The following KCNT2 variants were observed in gnomAD, a reference collection of about 807,000 sequenced individuals.
KCNT2 encodes potassium channel subfamily T member 2.
A neutral mutation model predicts 153.8 loss-of-function variants in KCNT2; 67 were observed. That is an observed-to-expected ratio of 0.44 (90% CI 0.36 to 0.53). The LOEUF (loss-of-function observed/expected upper bound fraction) is 0.53, where lower values mean the gene tolerates loss of function less well. KCNT2 is among the 20% of genes least tolerant of loss of function. The pLI, the probability that KCNT2 is intolerant of heterozygous loss-of-function variation, is 0.00. For missense variants in KCNT2, 975 were observed against 1,354.8 expected (o/e 0.72, Z 4.40); for synonymous variants, 500 against 458.8 (o/e 1.09, Z -1.15).
intron 12 of KCNT2, among the ~76,000 whole-genome samples, chr1:196,407,848 A>T (rs200725960): frequency 6.7e-6 from 1 of 148,824 alleles, no homozygotes; most frequent in Non-Finnish European, 1.5e-5. Context: ...AATAAAAACA[A>T]TTTTTTTTTT....
Position 196,479,207 on chromosome 1 carries a change from G to A in KCNT2, c.356C>T (p.Thr119Ile). ...VSVALISLFE[T>I]ILLGYLSYKG... ...ATAACTAAGATAACCAAGTAATATT[G>A]TTTCAAACAGACTTATCAATGCCAC... The change falls in exon 5 of 28, where the codon ACA (threonine) becomes ATA (isoleucine). Residue 119 changes from threonine (T) to isoleucine (I), a missense_variant. By Grantham distance (89) the Thr-to-Ile change is moderately conservative. This residue lies in a region of KCNT2 where 140 missense variants were observed against 216.0 expected (regional missense o/e 0.65). Coordinates refer to ENST00000294725, the MANE Select transcript of KCNT2 (RefSeq NM_198503.5). The A allele has an allele frequency of 6.4e-7, 1 of 1,574,076 alleles. No homozygotes were observed. The highest frequency in any genetic ancestry group is 8.7e-7 in the Non-Finnish European group (1 of 1,149,186).
At position 196,428,085 on chromosome 1, in the gene KCNT2, A is replaced by C; in HGVS notation, c.984+20T>G. 6.2e-7 allele frequency: 1 copy of C among 1,601,282 alleles called. No homozygotes were observed. Among genetic ancestry groups the C allele is most frequent in the Non-Finnish European group, 8.6e-7 (1 of 1,169,248 alleles). On this transcript the variant is annotated intron_variant, in intron 10 of 27. Transcript: ENST00000294725. ...TAGTAGGTATGATCCAGTATAGCAC[A>C]TAATATAAGCCAAATGTACCTGGAG...
At chr1:196,361,619 T>C (rs555924669) in intron 14 of KCNT2, among the ~76,000 whole-genome samples, 8 of 152,128 alleles carry the variant, frequency 5.3e-5, no homozygotes, top group South Asian at 2.1e-4. Context: ...CATGGACCCA[T>C]TGATAAAGGG....
chr1:196,330,837 C>T (rs1274390847), intron 18 of KCNT2, among the ~76,000 whole-genome samples: 5 of 151,908 alleles, frequency 3.3e-5, no homozygotes, highest in African/African-American at 4.8e-5. Flanking sequence ...AAATAATGCA[C>T]ATTTGACCCA....
chr1:196,311,888 T>G (rs545820225), intron 21 of KCNT2, among the ~76,000 whole-genome samples: 1 of 151,852 alleles, frequency 6.6e-6, no homozygotes, highest in South Asian at 2.1e-4. Context: ...CAATTTGACA[T>G]AGACTTTTTA....
chr1:196,405,451 A>G (rs1558250530), intron 12 of KCNT2, among the ~76,000 whole-genome samples: 1 of 151,498 alleles, frequency 6.6e-6, no homozygotes, highest in Non-Finnish European at 1.5e-5. Context: ...AACTTAATAA[A>G]CTGTACTATC....
Position 196,331,244 on chromosome 1 carries a change from G to A in KCNT2, c.2015C>T (p.Pro672Leu), listed in dbSNP as rs1664428250. The A allele has an allele frequency of 1.3e-6, 2 of 1,587,374 alleles. No homozygotes were observed. The highest frequency in any genetic ancestry group is 2.2e-5 in the South Asian group (2 of 90,374). ...ACTTCCTATATATGGAGAATAAGGT[G>A]GGTAACCTTTAGCATACCTGTAAAA... ...SSNLEYAKGY[P>L]PYSPYIGSSP... Residue 672 changes from proline to leucine, a missense_variant, in exon 18 of 28, where the codon CCA becomes CTA. Coordinates refer to ENST00000294725, the MANE Select transcript of KCNT2 (RefSeq NM_198503.5).
chr1:196,422,867 T>C (rs1338019305), intron 12 of KCNT2, among the ~76,000 whole-genome samples, 183 bp downstream of exon 12: 2 of 151,992 alleles, frequency 1.3e-5, no homozygotes, highest in African/African-American at 2.4e-5. Flanking sequence ...AAAAACACTT[T>C]TGTTAATACA....
At chr1:196,292,852 C>G (rs960055080) in intron 22 of KCNT2, among the ~76,000 whole-genome samples, 20 of 147,422 alleles carry the variant, frequency 1.4e-4, no homozygotes, top group African/African-American at 4.9e-4. Context: ...GTTAAATTGT[C>G]TCTGTTTGCA....
chr1:196,402,032 A>G (rs1297148760), intron 12 of KCNT2, among the ~76,000 whole-genome samples: 1 of 151,534 alleles, frequency 6.6e-6, no homozygotes, highest in Non-Finnish European at 1.5e-5. Context: ...ATGAAGGAAA[A>G]AAACTATGAA....
intron 26 of KCNT2, among the ~76,000 whole-genome samples, chr1:196,240,943 C>A (rs1654894551): frequency 6.6e-6 from 1 of 151,594 alleles, no homozygotes; most frequent in Non-Finnish European, 1.5e-5. Flanking sequence ...GAAACAGAAA[C>A]CCATGTGAGA....
At chr1:196,309,710 C>G (rs1661978521) in intron 21 of KCNT2, among the ~76,000 whole-genome samples, 1 of 151,744 alleles carries the variant, frequency 6.6e-6, no homozygotes, top group African/African-American at 2.4e-5. Context: ...ATTTGGTTGT[C>G]TAATAGATTT....
chr1:196,471,262 A>G (rs984146416), intron 5 of KCNT2, among the ~76,000 whole-genome samples: 3 of 152,026 alleles, frequency 2.0e-5, no homozygotes, highest in African/African-American at 7.2e-5. Context: ...AGACCAGAAA[A>G]GCTATAGAAC....
At chr1:196,476,765 C>A (rs886232042) in intron 5 of KCNT2, among the ~76,000 whole-genome samples, 1 of 152,126 alleles carries the variant, frequency 6.6e-6, no homozygotes, top group Non-Finnish European at 1.5e-5. Context: ...TGTACTTTCT[C>A]TCTTTTTTAA....
intron 1 of KCNT2, among the ~76,000 whole-genome samples, chr1:196,594,538 G>T (rs569475721): frequency 6.6e-6 from 1 of 151,944 alleles, no homozygotes; most frequent in Admixed American, 6.6e-5. Flanking sequence ...GACTACTTGC[G>T]TTAAATAATG....
chr1:196,565,263 G>A (rs888645193), intron 1 of KCNT2, among the ~76,000 whole-genome samples: 3 of 151,778 alleles, frequency 2.0e-5, no homozygotes, highest in Admixed American at 1.3e-4. Context: ...ATGCAGATTA[G>A]AATGGTTATT....
chr1:196,403,319 G>T (rs555391366), intron 12 of KCNT2, among the ~76,000 whole-genome samples: 1 of 151,772 alleles, frequency 6.6e-6, no homozygotes, highest in South Asian at 2.1e-4. Flanking sequence ...CATACTGCAT[G>T]ATTACAACTA....
chr1:196,366,587 C>T (rs1258929995), intron 14 of KCNT2, among the ~76,000 whole-genome samples: 3 of 152,102 alleles, frequency 2.0e-5, no homozygotes, highest in Admixed American at 2.0e-4. Flanking sequence ...TTGCTCAGGT[C>T]ATTGTAAATA....
chr1:196,276,332 C>T (rs374830043), intron 25 of KCNT2, among the ~76,000 whole-genome samples: 1 of 151,964 alleles, frequency 6.6e-6, no homozygotes, highest in East Asian at 1.9e-4. Context: ...ATGTTATATT[C>T]CTAAGGTCAG....
Sources: allele counts gnomAD v4.1 joint callset (sites outside exome capture counted in the v4.1 genomes callset), GRCh38; gene constraint gnomAD v4.1.1; regional missense constraint gnomAD v4.1.1; transcripts MANE v1.5; gene names NCBI Gene and HGNC (gene_info 2026-07-23, HGNC 2026-07-21).